ROBO2: variants seen among roughly 807,000 people sequenced by gnomAD.
ROBO2 encodes the protein roundabout homolog 2.
ROBO2 carries 53 observed loss-of-function variants against 160.8 expected under a neutral mutation model. The ratio of observed to expected loss-of-function variants is 0.33; its 90% CI spans 0.26 to 0.41. ROBO2 has a LOEUF of 0.41. Among genes scored for constraint, ROBO2 ranks in the 10% least tolerant of loss-of-function variants. The pLI is 1.00. For missense variants in ROBO2, 1,577 were observed against 1,722.4 expected, an observed-to-expected ratio of 0.92 and a Z score of 1.49; for synonymous variants, 664 against 611.7, an observed-to-expected ratio of 1.09 and a Z score of -1.26.
intron 2 of ROBO2, among the ~76,000 whole-genome samples, chr3:77,011,041 CT>C (rs796775467): frequency 2.7e-5 from 2 of 75,110 alleles, no homozygotes; most frequent in African/African-American, 1.2e-4. Flanking sequence ...TCTTTCTTTT[CT>C]TTTCTTTCTT....
chr3:77,034,355 C>T (rs373223802), intron 2 of ROBO2, among the ~76,000 whole-genome samples: 1 of 139,482 alleles, frequency 7.2e-6, no homozygotes, highest in South Asian at 2.4e-4. Context: ...TATCTAACAA[C>T]TTAAGAACTT....
chr3:76,135,373 A>G (rs1385276431), intron 2 of ROBO2, among the ~76,000 whole-genome samples: 1 of 152,170 alleles, frequency 6.6e-6, no homozygotes, highest in East Asian at 1.9e-4. Context: ...CAAGGCCACT[A>G]TGCAATGCCC....
intron 1 of ROBO2, among the ~76,000 whole-genome samples, chr3:77,060,659 C>T (rs2066208561): frequency 6.6e-6 from 1 of 152,180 alleles, no homozygotes; most frequent in Non-Finnish European, 1.5e-5. Context: ...TCCAGATCCA[C>T]CACAGCAGCT....
chr3:77,607,123 GC>G (rs2094540782), intron 20 of ROBO2, among the ~76,000 whole-genome samples: 1 of 152,104 alleles, frequency 6.6e-6, no homozygotes, highest in Non-Finnish European at 1.5e-5. Flanking sequence ...GTATTAGAAT[GC>G]CACTGAAACT....
chr3:76,406,701 A>G (rs1237036083), intron 2 of ROBO2, among the ~76,000 whole-genome samples: 2 of 151,952 alleles, frequency 1.3e-5, no homozygotes, highest in African/African-American at 4.8e-5. Context: ...TACTACTTGT[A>G]ATGATAATCA....
chr3:76,426,924 A>G (rs1215284812), intron 2 of ROBO2, among the ~76,000 whole-genome samples: 1 of 152,132 alleles, frequency 6.6e-6, no homozygotes, highest in Admixed American at 6.6e-5. Context: ...ACTCTTCGTG[A>G]TGGTGAGAGC....
chr3:76,767,474 G>A (rs2061638487), intron 2 of ROBO2, among the ~76,000 whole-genome samples: 1 of 151,540 alleles, frequency 6.6e-6, no homozygotes, highest in Admixed American at 6.6e-5. Flanking sequence ...TGTGAATGAC[G>A]TAGATAAGTA....
intron 2 of ROBO2, among the ~76,000 whole-genome samples, chr3:76,078,423 T>C (rs1431378464): frequency 6.6e-6 from 1 of 152,128 alleles, no homozygotes; most frequent in African/African-American, 2.4e-5. Context: ...TGGAGTGCAA[T>C]AGCATGATCA....
At chr3:77,234,512 T>A (rs1463970378) in intron 2 of ROBO2, among the ~76,000 whole-genome samples, 1 of 152,152 alleles carries the variant, frequency 6.6e-6, no homozygotes, top group Admixed American at 6.5e-5. Flanking sequence ...ACAATCTGCT[T>A]TTTTTTCAGC....
intron 1 of ROBO2, among the ~76,000 whole-genome samples, chr3:77,047,748 T>A (rs924863043): frequency 6.7e-6 from 1 of 148,312 alleles, no homozygotes; most frequent in African/African-American, 2.5e-5. Flanking sequence ...AAGATGTATA[T>A]AAAGATATAT....
At chr3:76,929,639 CA>C (rs147672248) in intron 2 of ROBO2, among the ~76,000 whole-genome samples, 4,379 of 152,240 alleles carry the variant, frequency 0.029, 184 homozygotes, top group African/African-American at 0.1. Flanking sequence ...AAGCACTGAC[CA>C]AAAGACTCCA....
Position 76,397,563 on chromosome 3 carries a change from G to A in ROBO2, c.109+459961G>A, listed in dbSNP as rs535808977. ...ACCTACAAAATGGGAGAAAATTTTC[G>A]CAACCTACTCATCTGACAAAGGGCT... On this transcript the variant is annotated intron_variant, in intron 2 of 26. Coordinates refer to the ROBO2 transcript ENST00000487694. Among the ~76,000 whole-genome samples the A allele has an allele frequency of 3.7e-3, 560 of 151,546 alleles. 7 individuals are homozygous for A. The highest frequency in any genetic ancestry group is 0.011 in the African/African-American group (451 of 41,302).
intron 2 of ROBO2, among the ~76,000 whole-genome samples, chr3:77,355,752 A>G (rs1337175863): frequency 6.6e-6 from 1 of 152,178 alleles, no homozygotes; most frequent in Admixed American, 6.6e-5. Flanking sequence ...ACATAACAAA[A>G]CGTGGAGAAA....
intron 2 of ROBO2, among the ~76,000 whole-genome samples, chr3:76,017,595 T>C (rs1156652880): frequency 6.6e-6 from 1 of 152,128 alleles, no homozygotes; most frequent in Admixed American, 6.6e-5. Flanking sequence ...TATTGAGATA[T>C]TGTTTTCTAA....
intron 2 of ROBO2, among the ~76,000 whole-genome samples, chr3:76,035,923 C>T (rs530144346): frequency 6.6e-6 from 1 of 152,082 alleles, no homozygotes; most frequent in African/African-American, 2.4e-5. Flanking sequence ...CATGGAAAAA[C>T]GCAAGACCCT....
chr3:77,516,951 C>T (rs2090084150), intron 5 of ROBO2, among the ~76,000 whole-genome samples: 1 of 151,512 alleles, frequency 6.6e-6, no homozygotes, highest in Non-Finnish European at 1.5e-5. Context: ...CATTGAACGC[C>T]TCCAATATCT....
intron 2 of ROBO2, among the ~76,000 whole-genome samples, chr3:77,307,476 C>T (rs941524975): frequency 1.3e-5 from 2 of 152,144 alleles, no homozygotes; most frequent in African/African-American, 4.8e-5. Flanking sequence ...TAAGCTATCA[C>T]CAAGGACATG....
chr3:77,560,587 A>ATTTT (rs999472937), intron 9 of ROBO2, among the ~76,000 whole-genome samples: 1 of 150,866 alleles, frequency 6.6e-6, no homozygotes, highest in African/African-American at 2.4e-5. Context: ...GTGTCTCACT[A>ATTTT]TTTTTTTTTC....
chr3:76,417,076 C>T (rs2075786694), intron 2 of ROBO2, among the ~76,000 whole-genome samples: 2 of 104,156 alleles, frequency 1.9e-5, no homozygotes, highest in Non-Finnish European at 4.1e-5. Flanking sequence ...TACTGAACAC[C>T]TTTTAAAGAT....
Sources: allele counts gnomAD v4.1 joint callset (sites outside exome capture counted in the v4.1 genomes callset), GRCh38; gene constraint gnomAD v4.1.1; transcripts MANE v1.5; gene names NCBI Gene and HGNC (gene_info 2026-07-23, HGNC 2026-07-21).